PRB4: variants seen among roughly 807,000 people sequenced by gnomAD.
The protein encoded by PRB4 is basic salivary proline-rich protein 4.
PRB4 carries 14 observed loss-of-function variants against 9.1 expected under a neutral mutation model. The observed-to-expected ratio is 1.54, with a 90% CI of 1.02 to 2.41. The LOEUF is 2.41. Among genes scored for constraint, PRB4 ranks in the 30% most tolerant of loss-of-function variants. The pLI is 0.00. For missense variants in PRB4, 381 were observed against 299.3 expected (o/e 1.27, Z -2.02); for synonymous variants, 102 against 108.5 (o/e 0.94, Z 0.37).
In PRB4 at chr12:11,310,309, C is replaced by G. The variant is rs779494850; in HGVS notation, c.64+26G>C. On this transcript the variant is annotated intron_variant, in intron 1 of 3. Transcript: ENST00000279575. ...CACCTCCTAAGTCCCAAGCAGTCACCGCATCTTTTCCCCCTTCTGTTTTAC... is the reference window on the plus strand; with the variant it reads ...CACCTCCTAAGTCCCAAGCAGTCACGGCATCTTTTCCCCCTTCTGTTTTAC... The G allele has an allele frequency of 4.6e-5, 75 of 1,613,884 alleles. 2 individuals carry two copies. In the South Asian group the frequency reaches 6.1e-4, roughly 13 times the overall value.
At position 11,308,480 on chromosome 12, in the gene PRB4, T is replaced by C. The variant is rs199953827; in HGVS notation, c.503A>G (p.Gln168Arg). 33 of 1,612,906 alleles carry C rather than the reference T, an allele frequency of 2.0e-5. No individual in the cohort carries two copies. The East Asian group carries it at 2.2e-4, about 11-fold the overall frequency. ...HPGKPEGPPP[Q>R]EGNKSRSARS... Reference sequence around the variant, plus strand: ...GGCACTTCGGGACTTGTTTCCTTCCTGTGGGGGTGGTCCTTCTGGCTTTCC... The same window carrying C: ...GGCACTTCGGGACTTGTTTCCTTCCCGTGGGGGTGGTCCTTCTGGCTTTCC... The change falls in exon 3 of 4, where the codon CAG becomes CGG. Residue 168 changes from glutamine to arginine, a missense_variant. Transcript: ENST00000279575.
intron 1 of PRB4, 24 bp from the exon 2 acceptor site, chr12:11,309,429 G>A (rs1863002898): frequency 2.5e-6 from 4 of 1,614,060 alleles, no homozygotes; most frequent in Non-Finnish European, 3.4e-6. Flanking sequence ...ACAGGATGAT[G>A]GGAAATGTTA....
At chr12:11,309,471 T>C in intron 1 of PRB4, 66 bp from the exon 2 acceptor site, 1 of 1,613,468 alleles carries the variant, frequency 6.2e-7, no homozygotes, top group Non-Finnish European at 8.5e-7. Context: ...ACAAGTGTTC[T>C]ACAGGGAAAA....
At chr12:11,309,260 C>T in intron 2 of PRB4, 110 bp downstream of exon 2, 2 of 1,570,272 alleles carry the variant, frequency 1.3e-6, no homozygotes, top group Non-Finnish European at 1.8e-6. Context: ...GGGGCAATAA[C>T]ATTAATCAAT....
chr12:11,307,994 T>A (rs1317046573), intron 3 of PRB4, among the ~76,000 whole-genome samples: 1 of 152,178 alleles, frequency 6.6e-6, no homozygotes, highest in East Asian at 1.9e-4. Context: ...GCCAACACAA[T>A]TTAAGACAGA....
At chr12:11,309,653 A>T (rs1276839570) in intron 1 of PRB4, among the ~76,000 whole-genome samples, 1 of 152,162 alleles carries the variant, frequency 6.6e-6, no homozygotes, top group African/African-American at 2.4e-5. Context: ...GCATCCCTCA[A>T]GACTTAATGC....
Position 11,310,406 on chromosome 12 carries a change from G to A in PRB4, c.-8C>T. On this transcript the variant is annotated 5_prime_UTR_variant, in exon 1 of 4. Transcript: ENST00000279575. The stretch of plus-strand genomic sequence containing the variant: ...CAGCAGAATCAGCAGCATCTCGCTG[G>A]AGGCTCTGGAGTCACTCCCAACTCT... 1 of 1,614,190 alleles carries A rather than the reference G, an allele frequency of 6.2e-7. No homozygotes were observed. The highest frequency in any genetic ancestry group is 1.1e-5 in the South Asian group (1 of 91,086).
At chr12:11,309,299 C>T in intron 2 of PRB4, 71 bp downstream of exon 2, 1 of 1,609,882 alleles carries the variant, frequency 6.2e-7, no homozygotes, top group South Asian at 1.1e-5. Flanking sequence ...GATAAGAAGA[C>T]ACTGGAGAAA....
intron 1 of PRB4, 29 bp from the exon 2 acceptor site, chr12:11,309,434 A>G (rs1863003011): frequency 6.2e-7 from 1 of 1,614,076 alleles, no homozygotes; most frequent in East Asian, 2.2e-5. Flanking sequence ...ATGATGGGAA[A>G]TGTTACATCT....
At chr12:11,309,533 A>G in intron 1 of PRB4, 128 bp from the exon 2 acceptor site, 1 of 1,561,744 alleles carries the variant, frequency 6.4e-7, no homozygotes, top group Non-Finnish European at 8.8e-7. Context: ...ATCAGCCACC[A>G]TCTGTGAAGG....
At chr12:11,308,099 A>G (rs1862952013) in intron 3 of PRB4, 122 bp downstream of exon 3, 6 of 1,206,488 alleles carry the variant, frequency 5.0e-6, no homozygotes, top group Non-Finnish European at 6.9e-6. Flanking sequence ...TCTGAATACA[A>G]ATTTTTAGAA....
chr12:11,308,957 G>T, intron 2 of PRB4, 75 bp from the exon 3 acceptor site: 1 of 1,576,336 alleles, frequency 6.3e-7, no homozygotes, highest in South Asian at 1.1e-5. Flanking sequence ...GCTAAATGGG[G>T]AAATGCACAA....
intron 1 of PRB4, among the ~76,000 whole-genome samples, chr12:11,310,114 C>A (rs1316647893): frequency 6.6e-6 from 1 of 152,178 alleles, no homozygotes; most frequent in Non-Finnish European, 1.5e-5. Context: ...TCAAATCTTA[C>A]CTTCTCATTC....
At chr12:11,308,943 T>G in intron 2 of PRB4, 61 bp from the exon 3 acceptor site, 2 of 1,553,670 alleles carry the variant, frequency 1.3e-6, no homozygotes, top group Non-Finnish European at 8.9e-7. Context: ...TTTACAGTAA[T>G]GGAGCTAAAT....
chr12:11,307,881 G>T (rs181371035), intron 3 of PRB4, among the ~76,000 whole-genome samples: 4 of 152,326 alleles, frequency 2.6e-5, no homozygotes, highest in African/African-American at 9.6e-5. Flanking sequence ...TGTGAGGCAG[G>T]ACTGAGCAAA....
rs376674559 is a variant in PRB4 at position 11,309,374 on chromosome 12, T to C, written c.96A>G (p.Ile32Met). 3.4e-5 allele frequency: 55 copies of C among 1,614,016 alleles called. No homozygotes were observed. Among genetic ancestry groups the C allele is most frequent in the Non-Finnish European group, 4.6e-5 (54 of 1,179,978 alleles). ...DVSQEESLFL[I>M]SGKPEGRRPQ... ...TGAGAATGAATTGGGATTTACCTGA[T>C]ATTAGGAAGAGAGATTCTTCCTGGC... Residue 32 changes from isoleucine (I) to methionine (M), a missense_variant, in exon 2 of 4, where the codon ATA becomes ATG. Ile to Met is a conservative substitution (Grantham distance 10, BLOSUM62 1). This residue lies in a region of PRB4 where 151 missense variants were observed against 105.8 expected (regional missense o/e 1.43). Transcript: ENST00000279575.
Position 11,308,359 on chromosome 12 carries a change from TG to T in PRB4, c.623del (p.Pro208GlnfsTer49). 4 of 1,600,460 alleles carry T rather than the reference TG, an allele frequency of 2.5e-6. No individual in the cohort carries two copies. The highest frequency in any genetic ancestry group is 2.2e-5 in the East Asian group (1 of 44,514). On this transcript the variant is annotated frameshift_variant, in exon 3 of 4. Coordinates refer to ENST00000279575, the MANE Select transcript of PRB4 (RefSeq NM_002723.6). LOFTEE classifies it low-confidence loss of function (END_TRUNC). ...PPPGKPQGPP[P>X]AGGNPQQPQA... is the part of the protein sequence containing the mutation. ...GAGGCTGCTGGGGATTGCCTCCTGC[TG>T]GGGGTGGGCCTTGTGGCTTTCCAGG...
At position 11,307,195 on chromosome 12, in the gene PRB4, A is replaced by T. The variant is rs1423601329; in HGVS notation, c.*23T>A. The T allele has an allele frequency of 6.5e-6, 1 of 152,886 alleles. No individual in the cohort carries two copies. Among genetic ancestry groups the T allele is most frequent in the African/African-American group, 2.4e-5 (1 of 41,474 alleles). 9.5% of individuals were successfully genotyped at this position (152,886 alleles called of 1,614,324 possible). A position where few individuals can be genotyped will look rare whatever the true frequency, so the allele number is the denominator to read the frequency against. ...TGAATTCACTGATATCTTCTTATTC[A>T]CTTCCTGAAATAAACAAACAAGCAA... On this transcript the variant is annotated 3_prime_UTR_variant, in exon 4 of 4. Coordinates refer to ENST00000279575, the MANE Select transcript of PRB4 (RefSeq NM_002723.6).
At chr12:11,308,988 T>A (rs1221397392) in intron 2 of PRB4, 106 bp from the exon 3 acceptor site, 18 of 1,494,760 alleles carry the variant, frequency 1.2e-5, no homozygotes, top group Non-Finnish European at 1.5e-5. Context: ...CAGATACTAA[T>A]TTCTTTGCAT....
Sources: allele counts gnomAD v4.1 joint callset (sites outside exome capture counted in the v4.1 genomes callset), GRCh38; gene constraint gnomAD v4.1.1; regional missense constraint gnomAD v4.1.1; transcripts MANE v1.5; gene names NCBI Gene and HGNC (gene_info 2026-07-23, HGNC 2026-07-21).